The following CA11 variants were observed in gnomAD, a reference collection of about 807,000 sequenced individuals.
CA11 encodes carbonic anhydrase 11 (inactive), also known as carbonic anhydrase-related protein 11.
CA11 carries 20 observed loss-of-function variants against 39.3 expected under a neutral mutation model. The ratio of observed to expected loss-of-function variants is 0.51; its 90% CI spans 0.36 to 0.74. The LOEUF (loss-of-function observed/expected upper bound fraction) is 0.74, where lower values mean the gene tolerates loss of function less well. Ranked by LOEUF, CA11 falls within the 30% of genes least tolerant of loss-of-function variation. CA11 has a pLI of 0.00. For synonymous variants in CA11, 166 were observed against 172.5 expected (o/e 0.96, Z 0.29); for missense variants, 336 against 424.6 (o/e 0.79, Z 1.83).
chr19:48,640,663 C>A (rs996361700), intron 3 of CA11, among the ~76,000 whole-genome samples: 1 of 150,656 alleles, frequency 6.6e-6, no homozygotes, highest in Non-Finnish European at 1.5e-5. Flanking sequence ...CGTGAGCCAC[C>A]GCACCCGGTC....
At chr19:48,644,945 C>T (rs2031201124) in intron 2 of CA11, among the ~76,000 whole-genome samples, 1 of 152,134 alleles carries the variant, frequency 6.6e-6, no homozygotes, top group African/African-American at 2.4e-5. Flanking sequence ...TCCCAGCAGG[C>T]CCCAGTGCTA....
intron 4 of CA11, 96 bp downstream of exon 4, chr19:48,639,999 T>A: frequency 6.7e-7 from 1 of 1,502,956 alleles, no homozygotes; most frequent in Non-Finnish European, 9.2e-7. Context: ...GCCAGTTCTG[T>A]GGAGGAGGAT....
chr19:48,642,176 TAG>T (rs2031108447), intron 3 of CA11, among the ~76,000 whole-genome samples: 2 of 152,100 alleles, frequency 1.3e-5, no homozygotes, highest in Admixed American at 6.6e-5. Flanking sequence ...TGGAAAACAG[TAG>T]AGAGTTTTGT....
chr19:48,638,177 A>T (rs371860861), intron 8 of CA11, 33 bp from the exon 9 acceptor site: 86 of 1,112,458 alleles, frequency 7.7e-5, no homozygotes, highest in Non-Finnish European at 9.4e-5. Flanking sequence ...AGGGGGCGTC[A>T]GTATAGGATG....
chr19:48,644,559 G>A lies in CA11; in HGVS notation c.153C>T (p.Phe51=). 6.3e-7 allele frequency: 1 copy of A among 1,591,600 alleles called. No homozygotes were observed. Among genetic ancestry groups the A allele is most frequent in the Non-Finnish European group, 8.6e-7 (1 of 1,167,432 alleles). ...TCCACGCTGCATTCACCAGGCCCCA[G>A]AAAGGAGGCCCTGGGGGTGGGGTCG... ...LQGNFVPGPP[F]WGLVNAAWSL... The change falls in exon 3 of 9, where the codon TTC becomes TTT. Residue 51 remains phenylalanine (F), a synonymous_variant. Coordinates refer to ENST00000084798, the MANE Select transcript of CA11 (RefSeq NM_001217.5).
At chr19:48,640,398 G>T (rs1243040100) in intron 3 of CA11, 118 bp from the exon 4 acceptor site, 5 of 782,654 alleles carry the variant, frequency 6.4e-6, no homozygotes, top group African/African-American at 2.0e-5. Context: ...TTTTGAAACG[G>T]AGTCTCGCTC....
intron 2 of CA11, among the ~76,000 whole-genome samples, chr19:48,644,830 G>A (rs1382676028): frequency 6.6e-6 from 1 of 152,038 alleles, no homozygotes; most frequent in Non-Finnish European, 1.5e-5. Context: ...CCTGACCACA[G>A]GTAATCCACC....
At chr19:48,641,583 G>A (rs973349339) in intron 3 of CA11, among the ~76,000 whole-genome samples, 12 of 152,094 alleles carry the variant, frequency 7.9e-5, no homozygotes, top group African/African-American at 2.9e-4. Context: ...AGGTGTCATG[G>A]GGAGCTCAGC....
At position 48,643,270 on chromosome 19, in the gene CA11, C is replaced by T. The variant is rs895782670; in HGVS notation, c.285+1157G>A. ...TGTCACCCAGGCTGGAGTCCAGTGGCGTGATGTCAGCTCACTGCAACCTCC... is the reference window on the plus strand; with the variant it reads ...TGTCACCCAGGCTGGAGTCCAGTGGTGTGATGTCAGCTCACTGCAACCTCC... On this transcript the variant is annotated intron_variant, in intron 3 of 8. Transcript: ENST00000084798. The surrounding 1 kb of genome is among the most constrained non-coding windows in gnomAD (Gnocchi z 4.3). Among the ~76,000 whole-genome samples, 2 of 152,076 alleles carry T rather than the reference C, an allele frequency of 1.3e-5. No homozygotes were observed. The highest frequency in any genetic ancestry group is 6.6e-5 in the Admixed American group (1 of 15,246).
At chr19:48,638,757 GAGAC>G (rs1458203711) in intron 8 of CA11, 127 bp downstream of exon 8, 2 of 1,013,200 alleles carry the variant, frequency 2.0e-6, no homozygotes, top group East Asian at 2.7e-5. Flanking sequence ...GAGAGAAAAA[GAGAC>G]AGCTCACGAG....
intron 4 of CA11, 66 bp from the exon 5 acceptor site, chr19:48,639,949 G>A (rs2031015159): frequency 5.2e-6 from 8 of 1,547,196 alleles, no homozygotes; most frequent in South Asian, 1.1e-5. Context: ...CCAGCTTTGG[G>A]GGCCCGAATC....
At chr19:48,642,680 A>C (rs1225878001) in intron 3 of CA11, among the ~76,000 whole-genome samples, 1 of 152,072 alleles carries the variant, frequency 6.6e-6, no homozygotes, top group Non-Finnish European at 1.5e-5. Context: ...TGTGGGGTGA[A>C]TAGATTGCAG....
In CA11 at chr19:48,638,042, A is replaced by T; in HGVS notation, c.*77T>A. On this transcript the variant is annotated 3_prime_UTR_variant, in exon 9 of 9. Transcript: ENST00000084798. ...ACAGGAAGTATTCTGTCCCTTTAAT[A>T]GCTTTGTTTTAGGGGTAACTCCCCT... The T allele has an allele frequency of 9.3e-7, 1 of 1,072,016 alleles. No homozygotes were observed. 66.4% of individuals were successfully genotyped at this position (1,072,016 alleles called of 1,614,324 possible).
intron 3 of CA11, among the ~76,000 whole-genome samples, chr19:48,642,345 AAAAACCAGCTGGGTGT>A (rs2031113146): frequency 1.3e-5 from 2 of 152,214 alleles, no homozygotes; most frequent in South Asian, 4.2e-4. Context: ...CTAAAAATAC[AAAAACCAGCTGGGTGT>A]GGCGGTGGGC....
At position 48,639,376 on chromosome 19, in the gene CA11, T is replaced by C. The variant is rs1312159550; in HGVS notation, c.724A>G (p.Ser242Gly). ...ACAGTCTCGGAGCAGGGCGGGGTGC[T>C]GAGAGAGCCCTGATAGGTGATGAAG... ...FGFITYQGSL[S>G]TPPCSETVTW... is the part of the protein sequence containing the mutation. The change falls in exon 7 of 9, where the codon AGC (serine) becomes GGC (glycine). Residue 242 changes from serine (S) to glycine (G), a missense_variant. Coordinates refer to ENST00000084798, the MANE Select transcript of CA11 (RefSeq NM_001217.5). 1.2e-6 allele frequency: 2 copies of C among 1,613,436 alleles called. No homozygotes were observed. The highest frequency in any genetic ancestry group is 1.7e-5 in the Admixed American group (1 of 59,958).
At position 48,645,384 on chromosome 19, in the gene CA11, G is replaced by A; in HGVS notation, c.142+19C>T. The A allele has an allele frequency of 6.4e-7, 1 of 1,564,816 alleles. No homozygotes were observed. Among genetic ancestry groups the A allele is most frequent in the Non-Finnish European group, 8.7e-7 (1 of 1,153,522 alleles). On this transcript the variant is annotated intron_variant, in intron 2 of 8. Coordinates refer to ENST00000084798, the MANE Select transcript of CA11 (RefSeq NM_001217.5). ...GGCGCCGGGAGGGCCGGACTCCTGG[G>A]TCCCCGCCTTGGCGGCACCTGGCAC...
intron 8 of CA11, 22 bp from the exon 9 acceptor site, chr19:48,638,166 C>A: frequency 1.5e-6 from 2 of 1,300,938 alleles, no homozygotes; most frequent in South Asian, 2.2e-5. Context: ...AGAACAACGG[C>A]AGGGGGCGTC....
chr19:48,645,770 A>C lies in CA11; in HGVS notation c.-138T>G, dbSNP rs1208195747. Reference sequence around the variant, plus strand: ...CCCCACAGGGAGTCCCAGTTCCCCAAATGCCAAAGCAGCCAGGGACTGAGA... The same window carrying C: ...CCCCACAGGGAGTCCCAGTTCCCCACATGCCAAAGCAGCCAGGGACTGAGA... On this transcript the variant is annotated 5_prime_UTR_variant, in exon 1 of 9. The change creates a new upstream start codon in the 5' untranslated region. Transcript: ENST00000084798. The C allele has an allele frequency of 3.2e-6, 2 of 626,260 alleles. No homozygotes were observed. The highest frequency in any genetic ancestry group is 1.9e-5 in the African/African-American group (1 of 51,954). 38.8% of individuals were successfully genotyped at this position (626,260 alleles called of 1,614,324 possible).
rs147254552 is a variant in CA11 at position 48,639,033 on chromosome 19, C to T, written c.816G>A (p.Leu272=). ...AGATCTGAGATGGAGGATTCTGGCT[C>T]AGGAGTCTCAGGGAGTGCATCTGCA... ...TSLQMHSLRL[L]SQNPPSQIFQ... is the part of the protein sequence containing the mutation. Residue 272 remains leucine, a synonymous_variant, in exon 8 of 9, where the codon CTG becomes CTA. Coordinates refer to ENST00000084798, the MANE Select transcript of CA11 (RefSeq NM_001217.5). 1 of 1,613,926 alleles carries T rather than the reference C, an allele frequency of 6.2e-7. No individual in the cohort carries two copies. The highest frequency in any genetic ancestry group is 8.5e-7 in the Non-Finnish European group (1 of 1,179,932).
Sources: gnomAD v4.1 joint callset for allele counts (sites outside exome capture counted in the v4.1 genomes callset) on GRCh38, gnomAD v4.1.1 for gene constraint, Gnocchi (gnomAD v3.1) non-coding constraint, MANE v1.5 for transcripts, NCBI Gene and HGNC (gene_info 2026-07-23, HGNC 2026-07-21) for gene names.